The following ASB14 variants were observed in gnomAD, a reference collection of about 807,000 sequenced individuals.
ASB14 encodes the protein ankyrin repeat and SOCS box containing 14, also known as ankyrin repeat and SOCS box protein 14.
Under a neutral mutation model 55.6 loss-of-function variants are expected in ASB14, and 63 were observed. The ratio of observed to expected loss-of-function variants is 1.13; its 90% CI spans 0.92 to 1.40. ASB14 has a LOEUF of 1.40. Ranked by LOEUF, ASB14 falls within the 40% of genes most tolerant of loss-of-function variation. ASB14 has a pLI of 0.00. For synonymous variants in ASB14, 256 were observed against 259.9 expected (o/e 0.98, Z 0.15); for missense variants, 724 against 710.4 (o/e 1.02, Z -0.22).
In ASB14 at chr3:57,280,510, T is replaced by C. The variant is rs1416153442; in HGVS notation, c.716-37A>G. The C allele has an allele frequency of 3.3e-6, 5 of 1,513,520 alleles. No homozygotes were observed. The South Asian group carries it at 3.7e-5, about 11-fold the overall frequency. 93.8% of individuals were successfully genotyped at this position (1,513,520 alleles called of 1,614,324 possible). A position where few individuals can be genotyped will look rare whatever the true frequency, so the allele number is the denominator to read the frequency against. Reference sequence around the variant, plus strand: ...AAGACTCTTGTTAATGCAAAAATTATTTTCCACTGTATTTCTTGAGCAATC... The same window carrying C: ...AAGACTCTTGTTAATGCAAAAATTACTTTCCACTGTATTTCTTGAGCAATC... On this transcript the variant is annotated intron_variant, in intron 6 of 10. Transcript: ENST00000487349.
intron 5 of ASB14, 59 bp downstream of exon 5, chr3:57,287,842 T>TG: frequency 6.7e-7 from 1 of 1,502,662 alleles, no homozygotes. Flanking sequence ...CTTTGAAACC[T>TG]GGGGGCATGA....
In ASB14 at chr3:57,282,564, G is replaced by C. The variant is rs140847953; in HGVS notation, c.715+630C>G. ...ATAGGGGAGGGGGCATGTTTGAAGGGAAGTCCTGCAGCTGGTACCATGGCT... is the reference window on the plus strand; with the variant it reads ...ATAGGGGAGGGGGCATGTTTGAAGGCAAGTCCTGCAGCTGGTACCATGGCT... On this transcript the variant is annotated intron_variant, in intron 6 of 10. Transcript: ENST00000487349. 2.2e-3 allele frequency among the ~76,000 whole-genome samples: 336 copies of C among 152,236 alleles called. 4 individuals carry two copies. The highest frequency in any genetic ancestry group is 7.7e-3 in the African/African-American group (321 of 41,540).
intron 9 of ASB14, among the ~76,000 whole-genome samples, chr3:57,277,325 T>A (rs1481386121): frequency 6.6e-6 from 1 of 151,976 alleles, no homozygotes; most frequent in Non-Finnish European, 1.5e-5. Context: ...AAACTGAAGA[T>A]TACCACCCAA....
intron 5 of ASB14, among the ~76,000 whole-genome samples, chr3:57,284,094 ATGTGTGTG>A (rs147304310): frequency 1.3e-4 from 18 of 136,486 alleles, no homozygotes; most frequent in Admixed American, 8.3e-4. Flanking sequence ...AACACTGTGT[ATGTGTGTG>A]TGTGTGTGTG....
At chr3:57,273,880 G>A (rs1445378286) in intron 10 of ASB14, among the ~76,000 whole-genome samples, 2 of 152,078 alleles carry the variant, frequency 1.3e-5, no homozygotes. Flanking sequence ...GGGATTTAGT[G>A]TTTTGTCTTG....
chr3:57,276,529 T>G lies in ASB14; in HGVS notation c.*21A>C. Reference sequence around the variant, plus strand: ...AGGAATACAGCTGCAAAATTATACCTTTTCCATTAGAATGGTTTGATTACC... The same window carrying G: ...AGGAATACAGCTGCAAAATTATACCGTTTCCATTAGAATGGTTTGATTACC... On this transcript the variant is annotated splice_region_variant and 3_prime_UTR_variant, in exon 10 of 11. Transcript: ENST00000487349. The G allele has an allele frequency of 6.3e-7, 1 of 1,581,192 alleles. No individual in the cohort carries two copies. Among genetic ancestry groups the G allele is most frequent in the East Asian group, 2.2e-5 (1 of 44,500 alleles).
intron 2 of ASB14, 116 bp from the exon 3 acceptor site, chr3:57,289,239 T>C (rs1037622567): frequency 1.2e-5 from 8 of 692,704 alleles, no homozygotes; most frequent in African/African-American, 5.4e-5. Context: ...TGAACTTTCA[T>C]AGGAGGCAAT....
rs1030179268 is a variant in ASB14 at position 57,283,304 on chromosome 3, A to G, written c.605T>C (p.Met202Thr). Residue 202 changes from methionine (M) to threonine (T), a missense_variant, in exon 6 of 11, where the codon ATG (methionine) becomes ACG (threonine). Met to Thr is a moderately conservative substitution (Grantham distance 81). Transcript: ENST00000487349. The part of the protein sequence containing the change: ...KLGREDMVKL[M>T]LVSGAHPDPQ... ...GTCAGGGTGTGCCCCAGAAACCAGC[A>G]TAAGCTTCACCATGTCCTCTCTGCC... 1.3e-6 allele frequency: 2 copies of G among 1,551,780 alleles called. No individual in the cohort carries two copies. The highest frequency in any genetic ancestry group is 2.7e-5 in the African/African-American group (2 of 73,058).
intron 6 of ASB14, 82 bp downstream of exon 6, chr3:57,283,112 T>A (rs946997606): frequency 6.8e-7 from 1 of 1,463,074 alleles, no homozygotes; most frequent in Non-Finnish European, 9.2e-7. Flanking sequence ...TAACTTTTAT[T>A]ATTTTGAAGC....
At chr3:57,271,787 A>G (rs1290602714) in intron 10 of ASB14, 1 of 152,250 alleles carries the variant, frequency 6.6e-6, no homozygotes, top group Non-Finnish European at 1.5e-5. Flanking sequence ...AGGAATTTCT[A>G]CAATAATAAA....
In ASB14 at chr3:57,288,205, T is replaced by C; in HGVS notation, c.260A>G (p.His87Arg). The change falls in exon 4 of 11, where the codon CAT (histidine) becomes CGT (arginine). Residue 87 changes from histidine to arginine, a missense_variant. Physicochemically the swap from His to Arg is conservative, Grantham distance 29. Transcript: ENST00000487349. ...CCTATTTAATTGCACTGCAGCCTTA[T>C]GCAGAGGAATCCAGCCTATCTCATC... Reference protein sequence around the residue: ...EADEIGWIPLHKAAVQLNRKI... With the variant: ...EADEIGWIPLRKAAVQLNRKI... The C allele has an allele frequency of 6.5e-7, 1 of 1,536,918 alleles. No individual in the cohort carries two copies. Among genetic ancestry groups the C allele is most frequent in the Non-Finnish European group, 8.7e-7 (1 of 1,146,512 alleles).
At position 57,269,498 on chromosome 3, in the gene ASB14, C is replaced by T. The variant is rs150010285; in HGVS notation, c.*143G>A. On this transcript the variant is annotated 3_prime_UTR_variant, in exon 11 of 11. Transcript: ENST00000487349. ...CTTAACTGCATAATTTGCCATTTGA[C>T]TGCAGACAAGTAACTTAGTTTCTTT... The T allele has an allele frequency of 1.1e-5, 18 of 1,605,430 alleles. No homozygotes were observed. In the East Asian group the frequency reaches 3.6e-4, roughly 32 times the overall value.
At chr3:57,281,528 C>T (rs1451760793) in intron 6 of ASB14, among the ~76,000 whole-genome samples, 2 of 151,818 alleles carry the variant, frequency 1.3e-5, no homozygotes, top group Admixed American at 6.5e-5. Flanking sequence ...ACACAGACTC[C>T]ATAAGAGTCA....
At chr3:57,275,097 AC>A (rs1346644849) in intron 10 of ASB14, among the ~76,000 whole-genome samples, 1 of 152,196 alleles carries the variant, frequency 6.6e-6, no homozygotes, top group Non-Finnish European at 1.5e-5. Flanking sequence ...ACTGAAATGT[AC>A]AGTAGGCCCC....
At chr3:57,291,338 G>A (rs2107631930) in intron 2 of ASB14, among the ~76,000 whole-genome samples, 1 of 142,058 alleles carries the variant, frequency 7.0e-6, no homozygotes, top group East Asian at 2.2e-4. Flanking sequence ...CAAGGTTGCT[G>A]ATTGGCCAGC....
chr3:57,278,007 G>C, intron 8 of ASB14, 87 bp from the exon 9 acceptor site: 1 of 1,242,410 alleles, frequency 8.0e-7, no homozygotes, highest in Non-Finnish European at 1.1e-6. Context: ...GAGATGTGGT[G>C]TGATGAAAGC....
intron 3 of ASB14, 65 bp from the exon 4 acceptor site, chr3:57,288,351 T>C (rs2061098365): frequency 6.8e-7 from 1 of 1,479,954 alleles, no homozygotes; most frequent in Admixed American, 2.1e-5. Context: ...CCATATTGCT[T>C]CCTGAATTCT....
Position 57,283,481 on chromosome 3 carries a change from T to G in ASB14, c.470-42A>C, listed in dbSNP as rs774235927. 45 of 1,531,360 alleles carry G rather than the reference T, an allele frequency of 2.9e-5. No homozygotes were observed. In the South Asian group the frequency reaches 4.0e-4, roughly 14 times the overall value. The allele number at this position is 1,531,360 out of a possible 1,614,324, so 94.9% of individuals were successfully genotyped here. A position where few individuals can be genotyped will look rare whatever the true frequency, so the allele number is the denominator to read the frequency against. On this transcript the variant is annotated intron_variant, in intron 5 of 10. Coordinates refer to ENST00000487349, the MANE Select transcript of ASB14 (RefSeq NM_001142733.3). ...GTGGTGGGCATGTTCAACGGGAAGTTAAGCCCAAAGTAGCATATCTGCAAG... is the reference window on the plus strand; with the variant it reads ...GTGGTGGGCATGTTCAACGGGAAGTGAAGCCCAAAGTAGCATATCTGCAAG...
At chr3:57,283,867 AC>A (rs2061058110) in intron 5 of ASB14, among the ~76,000 whole-genome samples, 2 of 151,800 alleles carry the variant, frequency 1.3e-5, no homozygotes, top group East Asian at 3.9e-4. Context: ...AACAGAATCT[AC>A]CCCCAGAAAA....
Sources: allele counts gnomAD v4.1 joint callset (sites outside exome capture counted in the v4.1 genomes callset), GRCh38; gene constraint gnomAD v4.1.1; transcripts MANE v1.5; gene names NCBI Gene and HGNC (gene_info 2026-07-23, HGNC 2026-07-21).